The following FRAS1 variants were observed in gnomAD, a reference collection of about 807,000 sequenced individuals.
The protein encoded by FRAS1 is Fraser extracellular matrix complex subunit 1.
In FRAS1, 290 loss-of-function variants were observed where a neutral mutation model predicts 435.2. The observed-to-expected ratio is 0.67, with a 90% CI of 0.61 to 0.73. The LOEUF is 0.73. Ranked by LOEUF, FRAS1 falls within the 30% of genes least tolerant of loss-of-function variation. The pLI, the probability that FRAS1 is intolerant of heterozygous loss-of-function variation, is 0.00. For missense variants in FRAS1, 4,860 were observed against 5,001.5 expected (o/e 0.97, Z 0.85); for synonymous variants, 1,800 against 1,851.0 (o/e 0.97, Z 0.71).
intron 32 of FRAS1, among the ~76,000 whole-genome samples, chr4:78,417,845 A>G (rs928866714): frequency 3.3e-5 from 5 of 152,232 alleles, no homozygotes; most frequent in Non-Finnish European, 4.4e-5. Context: ...GCAGGAGAGC[A>G]TGTCACACTC....
At chr4:78,464,330 T>C (rs1235458544) in intron 48 of FRAS1, 113 bp from the exon 49 acceptor site, 4 of 1,478,292 alleles carry the variant, frequency 2.7e-6, no homozygotes, top group Non-Finnish European at 3.7e-6. Context: ...GGGCTCCTAA[T>C]TATTGACTTG....
At chr4:78,481,220 T>A (rs1032999254) in intron 56 of FRAS1, among the ~76,000 whole-genome samples, 4 of 152,244 alleles carry the variant, frequency 2.6e-5, no homozygotes, top group African/African-American at 9.6e-5. Flanking sequence ...CAAAGCATGA[T>A]GTCACAGTGG....
intron 32 of FRAS1, among the ~76,000 whole-genome samples, chr4:78,417,322 G>C (rs1452979456): frequency 3.3e-5 from 5 of 152,084 alleles, no homozygotes; most frequent in Non-Finnish European, 7.4e-5. Flanking sequence ...TAGATTTTCA[G>C]AATATCGCAT....
Position 78,466,217 on chromosome 4 carries a change from G to T in FRAS1, c.7039G>T (p.Val2347Phe), listed in dbSNP as rs201369510. ...AVDADTEAES[V>F]TFTIVQPPRH... is the part of the protein sequence containing the mutation. ...TTTGCCTTCCGGACAGGCCGAGTCT[G>T]TCACATTCACCATCGTGCAGCCTCC... The change falls in exon 50 of 74, where the codon GTC becomes TTC. Residue 2347 changes from valine (V) to phenylalanine (F), a missense_variant. Coordinates refer to ENST00000512123, the MANE Select transcript of FRAS1 (RefSeq NM_025074.7). 2.4e-3 allele frequency: 3,905 copies of T among 1,613,870 alleles called. 5 individuals are homozygous for T. Among genetic ancestry groups the T allele is most frequent in the Non-Finnish European group, 3.1e-3 (3,634 of 1,179,808 alleles).
chr4:78,117,909 A>T, intron 2 of FRAS1, among the ~76,000 whole-genome samples: 1 of 152,032 alleles, frequency 6.6e-6, no homozygotes. Flanking sequence ...AGGTTGTCTG[A>T]TTTTTAGAGT....
At chr4:78,331,967 G>A (rs1286343004) in intron 18 of FRAS1, among the ~76,000 whole-genome samples, 2 of 152,212 alleles carry the variant, frequency 1.3e-5, no homozygotes, top group African/African-American at 4.8e-5. Flanking sequence ...AGGGGAGCAC[G>A]AGGGTCAGTC....
chr4:78,393,460 A>G (rs1284532973), intron 29 of FRAS1, among the ~76,000 whole-genome samples: 1 of 152,028 alleles, frequency 6.6e-6, no homozygotes, highest in Non-Finnish European at 1.5e-5. Flanking sequence ...AGCCCCTTGC[A>G]ACTGCCATTC....
At chr4:78,223,122 C>T (rs534745957) in intron 2 of FRAS1, among the ~76,000 whole-genome samples, 23 of 152,236 alleles carry the variant, frequency 1.5e-4, no homozygotes, top group African/African-American at 4.8e-4. Context: ...TTGCTGACTG[C>T]GGGAGTGGAT....
intron 2 of FRAS1, among the ~76,000 whole-genome samples, chr4:78,220,047 GTGA>G (rs1723985266): frequency 6.6e-6 from 1 of 152,212 alleles, no homozygotes; most frequent in African/African-American, 2.4e-5. Flanking sequence ...GAGGGCAGTA[GTGA>G]TGTGGATTGG....
chr4:78,302,700 T>C (rs928471956), intron 14 of FRAS1, among the ~76,000 whole-genome samples: 2 of 136,884 alleles, frequency 1.5e-5, no homozygotes, highest in African/African-American at 5.4e-5. Context: ...TTTGATGGGG[T>C]TGTTTGTTTT....
chr4:78,371,002 C>T (rs1357751162), intron 23 of FRAS1, among the ~76,000 whole-genome samples: 1 of 151,930 alleles, frequency 6.6e-6, no homozygotes, highest in Admixed American at 6.6e-5. Flanking sequence ...TGCAAAATTG[C>T]ACACTTTCCA....
chr4:78,192,026 G>C (rs932403867), intron 2 of FRAS1, among the ~76,000 whole-genome samples: 8 of 152,138 alleles, frequency 5.3e-5, no homozygotes, highest in African/African-American at 1.9e-4. Context: ...CTTTACAGCA[G>C]CATGATTTAT....
At chr4:78,427,248 G>A (rs187068922) in intron 35 of FRAS1, among the ~76,000 whole-genome samples, 5 of 152,160 alleles carry the variant, frequency 3.3e-5, no homozygotes, top group Admixed American at 1.3e-4. Context: ...CAGCCCCCTC[G>A]CCACGTGACT....
intron 2 of FRAS1, among the ~76,000 whole-genome samples, chr4:78,232,285 A>G (rs1418355287): frequency 6.7e-6 from 1 of 150,056 alleles, no homozygotes; most frequent in East Asian, 1.9e-4. Flanking sequence ...TAATACAAGG[A>G]AGATTTTTTT....
intron 58 of FRAS1, among the ~76,000 whole-genome samples, chr4:78,484,310 T>C (rs1720106110): frequency 6.6e-6 from 1 of 152,212 alleles, no homozygotes; most frequent in Non-Finnish European, 1.5e-5. Context: ...ATTTGGGTTG[T>C]TCAAGGTTTT....
intron 14 of FRAS1, among the ~76,000 whole-genome samples, chr4:78,294,054 A>G (rs941676962): frequency 6.6e-6 from 1 of 152,194 alleles, no homozygotes; most frequent in Non-Finnish European, 1.5e-5. Context: ...CTTTCTGCCC[A>G]GTTTGGAAGG....
intron 56 of FRAS1, among the ~76,000 whole-genome samples, chr4:78,481,159 G>A (rs1719999012): frequency 6.6e-6 from 1 of 152,218 alleles, no homozygotes; most frequent in Non-Finnish European, 1.5e-5. Context: ...TTTTCATGAA[G>A]CTTTTCTCTG....
chr4:78,490,989 CA>C (rs1720334400), intron 59 of FRAS1, among the ~76,000 whole-genome samples: 1 of 152,008 alleles, frequency 6.6e-6, no homozygotes, highest in Non-Finnish European at 1.5e-5. Flanking sequence ...CCACTGATCC[CA>C]CAGAAATACA....
Position 78,519,347 on chromosome 4 carries a change from A to C in FRAS1, c.10406A>C (p.Gln3469Pro). The C allele has an allele frequency of 6.4e-7, 1 of 1,566,296 alleles. No homozygotes were observed. The highest frequency in any genetic ancestry group is 8.6e-7 in the Non-Finnish European group (1 of 1,161,532). ...TADFQVRDSA[Q>P]SFLTVHVPLY... Reference sequence around the variant, plus strand: ...CCTCGGCAGGTGAGGGACTCTGCCCAGTCCTTCTTGACAGTGCACGTGCCT... The same window carrying C: ...CCTCGGCAGGTGAGGGACTCTGCCCCGTCCTTCTTGACAGTGCACGTGCCT... Residue 3469 changes from glutamine to proline, a missense_variant, in exon 67 of 74, where the codon CAG becomes CCG. Physicochemically the swap from Gln to Pro is moderately conservative, Grantham distance 76. Transcript: ENST00000512123.
Sources: allele counts gnomAD v4.1 joint callset (sites outside exome capture counted in the v4.1 genomes callset), GRCh38; gene constraint gnomAD v4.1.1; transcripts MANE v1.5; gene names NCBI Gene and HGNC (gene_info 2026-07-23, HGNC 2026-07-21).